Variants in CEP112 observed in about 807,000 individuals in gnomAD.
CEP112 encodes the protein centrosomal protein 112.
CEP112 carries 127 observed loss-of-function variants against 153.0 expected under a neutral mutation model. The ratio of observed to expected loss-of-function variants is 0.83; its 90% CI spans 0.72 to 0.96. The LOEUF (loss-of-function observed/expected upper bound fraction) is 0.96, where lower values mean the gene tolerates loss of function less well. Ranked by LOEUF, CEP112 falls within the 40% of genes least tolerant of loss-of-function variation. The pLI, the probability that CEP112 is intolerant of heterozygous loss-of-function variation, is 0.00. For synonymous variants in CEP112, 358 were observed against 374.4 expected, an observed-to-expected ratio of 0.96 and a Z score of 0.51; for missense variants, 1,089 against 1,101.2, an observed-to-expected ratio of 0.99 and a Z score of 0.16.
At chr17:66,165,651 C>A (rs1186958809) in intron 4 of CEP112, among the ~76,000 whole-genome samples, 2 of 152,096 alleles carry the variant, frequency 1.3e-5, no homozygotes, top group African/African-American at 4.8e-5. Context: ...AAAATTAAAT[C>A]AATATTTTTA....
At chr17:65,983,838 C>T (rs1460591748) in intron 17 of CEP112, among the ~76,000 whole-genome samples, 1 of 152,142 alleles carries the variant, frequency 6.6e-6, no homozygotes, top group African/African-American at 2.4e-5. Flanking sequence ...GTCTTTTCTC[C>T]GCTTTTCCTG....
At chr17:65,703,845 G>C (rs1260097795) in intron 23 of CEP112, among the ~76,000 whole-genome samples, 1 of 150,930 alleles carries the variant, frequency 6.6e-6, no homozygotes, top group Non-Finnish European at 1.5e-5. Flanking sequence ...ACAAGTTTTT[G>C]TGTCACAGAT....
chr17:66,136,221 G>A (rs2070430138), intron 4 of CEP112, among the ~76,000 whole-genome samples: 1 of 152,134 alleles, frequency 6.6e-6, no homozygotes, highest in Non-Finnish European at 1.5e-5. Flanking sequence ...CTCCAGTTTG[G>A]ACTAGTATGC....
intron 16 of CEP112, among the ~76,000 whole-genome samples, chr17:66,025,882 T>C (rs2065178713): frequency 6.9e-6 from 1 of 145,832 alleles, no homozygotes; most frequent in Non-Finnish European, 1.5e-5. Context: ...TCAACTTAAG[T>C]GCCCATAAAT....
At chr17:65,914,238 C>A (rs1032342494) in intron 19 of CEP112, among the ~76,000 whole-genome samples, 3 of 149,542 alleles carry the variant, frequency 2.0e-5, no homozygotes, top group Admixed American at 6.7e-5. Context: ...ACATTCAGTT[C>A]TCAATGAGAT....
chr17:66,104,844 T>A (rs926437856), intron 6 of CEP112, among the ~76,000 whole-genome samples: 1 of 152,150 alleles, frequency 6.6e-6, no homozygotes, highest in Non-Finnish European at 1.5e-5. Flanking sequence ...CTTGAGGGAT[T>A]TGATCAACAC....
chr17:65,906,131 G>A (rs891117266), intron 19 of CEP112, among the ~76,000 whole-genome samples: 1 of 152,100 alleles, frequency 6.6e-6, no homozygotes, highest in South Asian at 2.1e-4. Context: ...CATGGATGAA[G>A]TTGGAAACCA....
At chr17:66,038,947 G>C (rs16958865) in intron 12 of CEP112, among the ~76,000 whole-genome samples, 1 of 152,072 alleles carries the variant, frequency 6.6e-6, no homozygotes, top group East Asian at 1.9e-4. Context: ...AGGCAACAAC[G>C]GCCAGGACTC....
chr17:65,910,886 G>C (rs943883597), intron 19 of CEP112, among the ~76,000 whole-genome samples: 6 of 152,138 alleles, frequency 3.9e-5, no homozygotes, highest in African/African-American at 1.4e-4. Flanking sequence ...AGAAACTCAA[G>C]GACTGTAGTC....
At chr17:66,045,866 A>C (rs1429720449) in intron 12 of CEP112, among the ~76,000 whole-genome samples, 2 of 147,392 alleles carry the variant, frequency 1.4e-5, no homozygotes, top group Non-Finnish European at 1.5e-5. Flanking sequence ...ACAAGGTCAA[A>C]ACTATTTCTA....
chr17:65,810,932 A>G (rs1442240141), intron 21 of CEP112, among the ~76,000 whole-genome samples: 1 of 152,182 alleles, frequency 6.6e-6, no homozygotes, highest in African/African-American at 2.4e-5. Context: ...TGGGATGGGC[A>G]GATAAAGTGG....
chr17:66,154,964 G>C (rs1224154254), intron 4 of CEP112, among the ~76,000 whole-genome samples: 1 of 152,174 alleles, frequency 6.6e-6, no homozygotes, highest in Non-Finnish European at 1.5e-5. Flanking sequence ...AGAAGGGCTA[G>C]TTAGGCCCAC....
intron 22 of CEP112, among the ~76,000 whole-genome samples, chr17:65,748,644 A>C (rs531918504): frequency 6.6e-6 from 1 of 152,304 alleles, no homozygotes; most frequent in Non-Finnish European, 1.5e-5. Context: ...AATAGTTAAA[A>C]CCATCCTATG....
chr17:65,971,200 T>C (rs541762862), intron 17 of CEP112, among the ~76,000 whole-genome samples: 11 of 151,898 alleles, frequency 7.2e-5, no homozygotes, highest in African/African-American at 2.4e-4. Flanking sequence ...CATATCACAT[T>C]GCACGTATGT....
rs980531526 is a variant in CEP112 at position 65,974,563 on chromosome 17, T to A, written c.1737-12965A>T. On this transcript the variant is annotated intron_variant, in intron 17 of 26. Transcript: ENST00000535342. ...AAATTCATATCCATTAGGTTATTCATGACAGCATCACATGCAACTGCAAAT... is the reference window on the plus strand; with the variant it reads ...AAATTCATATCCATTAGGTTATTCAAGACAGCATCACATGCAACTGCAAAT... Among the ~76,000 whole-genome samples, 9 of 152,196 alleles carry A rather than the reference T, an allele frequency of 5.9e-5. 1 individual carries two copies. The highest frequency in any genetic ancestry group is 4.6e-4 in the Admixed American group (7 of 15,286).
intron 8 of CEP112, among the ~76,000 whole-genome samples, chr17:66,082,151 GT>G (rs1478678993): frequency 6.6e-6 from 1 of 152,120 alleles, no homozygotes; most frequent in Non-Finnish European, 1.5e-5. Flanking sequence ...ACCTCTTCTT[GT>G]TGTGTTGTCT....
intron 20 of CEP112, among the ~76,000 whole-genome samples, chr17:65,898,421 T>C (rs868685749): frequency 1.3e-5 from 2 of 152,094 alleles, no homozygotes. Context: ...AAAATTAAAA[T>C]TGTCCTATCA....
chr17:66,079,648 G>GA (rs1181248339), intron 8 of CEP112, among the ~76,000 whole-genome samples: 2 of 151,870 alleles, frequency 1.3e-5, no homozygotes, highest in Non-Finnish European at 2.9e-5. Flanking sequence ...CACAGAATTA[G>GA]AAAAAACTAC....
At chr17:65,831,431 C>T (rs985588128) in intron 21 of CEP112, among the ~76,000 whole-genome samples, 11 of 151,894 alleles carry the variant, frequency 7.2e-5, no homozygotes, top group Non-Finnish European at 1.0e-4. Flanking sequence ...GTGGTGGGCA[C>T]CTGTAGTCCC....
Sources: gnomAD v4.1 joint callset for allele counts (sites outside exome capture counted in the v4.1 genomes callset) on GRCh38, gnomAD v4.1.1 for gene constraint, MANE v1.5 for transcripts, NCBI Gene and HGNC (gene_info 2026-07-23, HGNC 2026-07-21) for gene names.